Variants in PDE4C observed in about 807,000 individuals in gnomAD.
PDE4C encodes 3',5'-cyclic-AMP phosphodiesterase 4C.
In PDE4C, 50 loss-of-function variants were observed where a neutral mutation model predicts 63.9. That is an observed-to-expected ratio of 0.78 (90% CI 0.62 to 0.99). PDE4C has a LOEUF of 0.99. Ranked by LOEUF, PDE4C falls within the 50% of genes least tolerant of loss-of-function variation. The pLI is 0.00. For missense variants in PDE4C, 777 were observed against 899.1 expected, an observed-to-expected ratio of 0.86 and a Z score of 1.74; for synonymous variants, 377 against 385.1, an observed-to-expected ratio of 0.98 and a Z score of 0.25.
At chr19:18,222,023 T>C in intron 2 of PDE4C, 109 bp downstream of exon 2, 2 of 984,708 alleles carry the variant, frequency 2.0e-6, no homozygotes, top group Non-Finnish European at 3.0e-6. Context: ...AACTCCTACT[T>C]AAACTTCAAA....
exon 1 of PDE4C, chr19:18,233,292 G>A: frequency 6.7e-7 from 1 of 1,493,426 alleles, no homozygotes. Context: ...GGCCGGGAGT[G>A]GAGGCGACAG....
chr19:18,211,467 TCCAACC>T lies in PDE4C; in HGVS notation c.1696-197_1696-192del, dbSNP rs1207842192. Among the ~76,000 whole-genome samples the T allele has an allele frequency of 5.9e-5, 9 of 152,194 alleles. No individual in the cohort carries two copies. The East Asian group carries it at 1.7e-3, about 29-fold the overall frequency. On this transcript the variant is annotated intron_variant, in intron 14 of 14. Transcript: ENST00000262805. ...GCCTCCCTTAACCCTTCTGGCCTCC[TCCAACC>T]CCAACCCTAACCCCACAGGGCTGAA...
chr19:18,248,186 C>T (rs1215670179), exon 1 of PDE4C: 1 of 456,356 alleles, frequency 2.2e-6, no homozygotes, highest in Non-Finnish European at 4.4e-6. Flanking sequence ...CTGCGGAGTC[C>T]TGCCTGGGTC....
chr19:18,251,338 C>T (rs1476373147), upstream of PDE4C, among the ~76,000 whole-genome samples: 1 of 151,474 alleles, frequency 6.6e-6, no homozygotes, highest in Admixed American at 6.6e-5. Context: ...GTTGGCCAGG[C>T]TGGTCTTGAA....
intron 1 of PDE4C, among the ~76,000 whole-genome samples, chr19:18,223,106 G>A (rs1024326988): frequency 4.6e-5 from 7 of 151,908 alleles, no homozygotes; most frequent in Non-Finnish European, 8.8e-5. Context: ...GTGGGGGAAC[G>A]ATCTCGGCTC....
chr19:18,241,415 C>T (rs955477323), intron 1 of PDE4C, among the ~76,000 whole-genome samples: 11 of 151,604 alleles, frequency 7.3e-5, no homozygotes, highest in Middle Eastern at 3.4e-3. Flanking sequence ...TACAGGCACC[C>T]GCCACCATGC....
At chr19:18,242,150 G>A (rs574079199) in intron 1 of PDE4C, among the ~76,000 whole-genome samples, 18 of 152,090 alleles carry the variant, frequency 1.2e-4, no homozygotes, top group South Asian at 2.1e-4. Context: ...GCGAAGGCCC[G>A]GAGGTGGCAA....
At chr19:18,217,790 G>A (rs1002693755) in intron 11 of PDE4C, among the ~76,000 whole-genome samples, 1 of 152,072 alleles carries the variant, frequency 6.6e-6, no homozygotes, top group African/African-American at 2.4e-5. Context: ...CCAGCTACTC[G>A]GGAGGCTGAG....
At chr19:18,218,202 G>A (rs761224404) in exon 11 of PDE4C, 3 of 1,614,088 alleles carry the variant, frequency 1.9e-6, no homozygotes, top group African/African-American at 2.7e-5. Context: ...GTCGTGGATG[G>A]CGCTTGCAAA....
intron 1 of PDE4C, among the ~76,000 whole-genome samples, chr19:18,239,706 A>T (rs559944280): frequency 4.6e-5 from 7 of 152,096 alleles, no homozygotes; most frequent in Admixed American, 3.3e-4. Flanking sequence ...CAATGAGCCT[A>T]TCTCCACCAC....
upstream of PDE4C, among the ~76,000 whole-genome samples, chr19:18,234,905 C>G (rs1016030754): frequency 6.6e-6 from 1 of 152,148 alleles, no homozygotes; most frequent in Non-Finnish European, 1.5e-5. Flanking sequence ...TTCTCCACCC[C>G]CCCACCACTC....
At chr19:18,252,251 G>C (rs1969239358), upstream of PDE4C, 1 of 399,156 alleles carries the variant, frequency 2.5e-6, no homozygotes, top group Non-Finnish European at 4.4e-6. Flanking sequence ...GTGGGGAGGA[G>C]GGTATCATCC....
upstream of PDE4C, among the ~76,000 whole-genome samples, chr19:18,233,987 G>A (rs570021156): frequency 2.0e-4 from 30 of 152,326 alleles, no homozygotes; most frequent in African/African-American, 7.2e-4. Context: ...CCCATGCCAG[G>A]CAGGGATATG....
intron 12 of PDE4C, 32 bp from the exon 13 acceptor site, chr19:18,213,522 G>A (rs753390705): frequency 5.6e-6 from 9 of 1,597,604 alleles, no homozygotes; most frequent in South Asian, 4.4e-5. Flanking sequence ...TGACAGGCGC[G>A]AGGACCCTGC....
intron 1 of PDE4C, among the ~76,000 whole-genome samples, chr19:18,232,257 C>A (rs139115321): frequency 6.6e-6 from 1 of 151,810 alleles, no homozygotes; most frequent in Admixed American, 6.6e-5. Flanking sequence ...CCCAGCTACT[C>A]GAGACTGAGG....
intron 4 of PDE4C, 26 bp downstream of exon 4, chr19:18,221,079 C>G: frequency 8.2e-7 from 1 of 1,216,172 alleles, no homozygotes; most frequent in Non-Finnish European, 1.1e-6. Flanking sequence ...CGGCCCCGCC[C>G]CCGCCCCGCC....
At chr19:18,234,508 G>C (rs1292846114), upstream of PDE4C, among the ~76,000 whole-genome samples, 2 of 152,182 alleles carry the variant, frequency 1.3e-5, no homozygotes. Flanking sequence ...AACTGAAGTA[G>C]GCATGAACAG....
upstream of PDE4C, among the ~76,000 whole-genome samples, chr19:18,237,890 A>G (rs113535356): frequency 8.2e-6 from 1 of 122,658 alleles, no homozygotes; most frequent in African/African-American, 3.1e-5. Context: ...AAAAAAAAAA[A>G]AAAGTGCCTG....
chr19:18,249,934 A>G, upstream of PDE4C: 1 of 392,948 alleles, frequency 2.5e-6, no homozygotes, highest in Non-Finnish European at 4.5e-6. Context: ...GAAAGTAAAG[A>G]CATGGTCCCC....
Sources: gnomAD v4.1 joint callset for allele counts (sites outside exome capture counted in the v4.1 genomes callset) on GRCh38, gnomAD v4.1.1 for gene constraint, MANE v1.5 for transcripts, NCBI Gene and HGNC (gene_info 2026-07-23, HGNC 2026-07-21) for gene names.